The following DIMT1 variants were observed in gnomAD, a reference collection of about 807,000 sequenced individuals.
The protein encoded by DIMT1 is DIM1 rRNA methyltransferase and ribosome maturation factor, also known as dimethyladenosine transferase.
A neutral mutation model predicts 43.2 loss-of-function variants in DIMT1; 36 were observed. That is an observed-to-expected ratio of 0.83 (90% CI 0.64 to 1.10). The LOEUF (loss-of-function observed/expected upper bound fraction) is 1.10. DIMT1 is among the 50% of genes least tolerant of loss of function. The pLI is 0.00. For missense variants in DIMT1, 341 were observed against 385.3 expected (o/e 0.88, Z 0.96); for synonymous variants, 126 against 130.3 (o/e 0.97, Z 0.22).
At chr5:62,392,714 C>T in intron 9 of DIMT1, 1 of 436,758 alleles carries the variant, frequency 2.3e-6, no homozygotes, top group Non-Finnish European at 4.0e-6. Flanking sequence ...CCTGTTTTGC[C>T]AAAAAATGTG....
chr5:62,398,846 A>G lies in DIMT1; in HGVS notation c.276T>C (p.Ala92=). Residue 92 remains alanine (A), a synonymous_variant, in exon 4 of 12, where the codon GCT becomes GCC. Coordinates refer to ENST00000199320, the MANE Select transcript of DIMT1 (RefSeq NM_014473.4). Reference sequence around the variant, plus strand: ...TGCCCTGAACTCTTTTGTGAAGTTCAGCTACTAGCCTTGGGTCAAGTTCAC... The same window carrying G: ...TGCCCTGAACTCTTTTGTGAAGTTCGGCTACTAGCCTTGGGTCAAGTTCAC... The part of the protein sequence containing the change: ...VACELDPRLV[A]ELHKRVQGTP... 1 of 1,613,920 alleles carries G rather than the reference A, an allele frequency of 6.2e-7. No individual in the cohort carries two copies. Among genetic ancestry groups the G allele is most frequent in the Non-Finnish European group, 8.5e-7 (1 of 1,179,894 alleles).
In DIMT1 at chr5:62,388,814, A is replaced by G. The variant is rs1742157343; in HGVS notation, c.*196T>C. 2 of 602,498 alleles carry G rather than the reference A, an allele frequency of 3.3e-6. No homozygotes were observed. The highest frequency in any genetic ancestry group is 4.1e-5 in the South Asian group (2 of 48,556). 37.3% of individuals were successfully genotyped at this position (602,498 alleles called of 1,614,324 possible). On this transcript the variant is annotated 3_prime_UTR_variant, in exon 12 of 12. Transcript: ENST00000199320. The stretch of plus-strand genomic sequence containing the variant: ...TATGAATAGATTGGACCAGCATTAT[A>G]TATTAAAAACTTTGATACTTAGAAC...
chr5:62,391,252 A>C (rs1049901500), intron 10 of DIMT1: 2 of 328,208 alleles, frequency 6.1e-6, no homozygotes, highest in Non-Finnish European at 1.1e-5. Flanking sequence ...TTAGTTTCAG[A>C]CTTCACAAAT....
At chr5:62,399,603 C>A (rs1264570330) in intron 3 of DIMT1, among the ~76,000 whole-genome samples, 3 of 150,112 alleles carry the variant, frequency 2.0e-5, no homozygotes, top group Admixed American at 1.3e-4. Context: ...AAGACTGTGC[C>A]ACTGCATTCC....
chr5:62,392,254 T>C lies in DIMT1; in HGVS notation c.729-20A>G. ...CTTGATCTATAGCATAAAGAAGTGA[T>C]GCCACTGTTATTATTCCAAAGTCAG... is the stretch of plus-strand genomic sequence containing the variant. On this transcript the variant is annotated intron_variant, in intron 9 of 11. Transcript: ENST00000199320. 1.2e-6 allele frequency: 2 copies of C among 1,604,650 alleles called. No homozygotes were observed. The highest frequency in any genetic ancestry group is 1.7e-6 in the Non-Finnish European group (2 of 1,175,708).
Position 62,398,729 on chromosome 5 carries a change from T to C in DIMT1, c.313A>G (p.Ser105Gly), listed in dbSNP as rs1395528167. ...HKRVQGTPVA[S>G]KLQVLVGDVL... ...TCACCCACCAGTACTTGAAGTTTGC[T>C]GGCCACAGGCCTGATGAGAAAAGAA... The change falls in exon 5 of 12, where the codon AGC becomes GGC. Residue 105 changes from serine to glycine, a missense_variant. Coordinates refer to ENST00000199320, the MANE Select transcript of DIMT1 (RefSeq NM_014473.4). 6.2e-7 allele frequency: 1 copy of C among 1,614,206 alleles called. No individual in the cohort carries two copies. The highest frequency in any genetic ancestry group is 8.5e-7 in the Non-Finnish European group (1 of 1,180,026).
rs1316498485 is a variant in DIMT1, at chr5:62,402,083, G to A, written c.193C>T (p.Pro65Ser). The A allele has an allele frequency of 9.9e-6, 16 of 1,613,674 alleles. No individual in the cohort carries two copies. Among genetic ancestry groups the A allele is most frequent in the Non-Finnish European group, 1.4e-5 (16 of 1,179,938 alleles). The change falls in exon 3 of 12, where the codon CCT becomes TCT. Residue 65 changes from proline to serine, a missense_variant. Physicochemically the swap from Pro to Ser is moderately conservative, Grantham distance 74 (BLOSUM62 -1). Transcript: ENST00000199320. ...RPTDVVLEVG[P>S]GTGNMTVKLL... Reference sequence around the variant, plus strand: ...TTTACAGTCATGTTGCCAGTTCCAGGTCCAACTTCCAGCACTACATCAGTT... The same window carrying A: ...TTTACAGTCATGTTGCCAGTTCCAGATCCAACTTCCAGCACTACATCAGTT...
chr5:62,403,665 G>A, intron 1 of DIMT1, 29 bp downstream of exon 1: 5 of 1,593,382 alleles, frequency 3.1e-6, no homozygotes, highest in Non-Finnish European at 4.3e-6. Context: ...TGACCCGACC[G>A]ACCCCAGCTT....
intron 8 of DIMT1, among the ~76,000 whole-genome samples, chr5:62,393,584 AC>A (rs775483742): frequency 6.6e-5 from 10 of 152,110 alleles, no homozygotes; most frequent in Admixed American, 2.0e-4. Context: ...ACACACAATC[AC>A]GTTTTTCTCT....
At chr5:62,394,666 T>C in intron 6 of DIMT1, 59 bp from the exon 7 acceptor site, 1 of 1,603,558 alleles carries the variant, frequency 6.2e-7, no homozygotes, top group Non-Finnish European at 8.5e-7. Flanking sequence ...AAATGAATTT[T>C]AACTGCAATG....
chr5:62,392,690 T>G, intron 9 of DIMT1: 1 of 420,546 alleles, frequency 2.4e-6, no homozygotes, highest in Non-Finnish European at 4.2e-6. Flanking sequence ...ATGGTCAGAG[T>G]TTGGGAGTGT....
At position 62,398,151 on chromosome 5, in the gene DIMT1, G is replaced by A. The variant is rs182553205; in HGVS notation, c.446+360C>T. Among the ~76,000 whole-genome samples, 5 of 151,838 alleles carry A rather than the reference G, an allele frequency of 3.3e-5. No homozygotes were observed. In the East Asian group the frequency reaches 9.7e-4, roughly 29 times the overall value. ...GGTGCAAAAAAATTTTGAAATCCATGCAAGTTTTTTTCATAATACACATTT... is the reference window on the plus strand; with the variant it reads ...GGTGCAAAAAAATTTTGAAATCCATACAAGTTTTTTTCATAATACACATTT... On this transcript the variant is annotated intron_variant, in intron 6 of 11. Coordinates refer to ENST00000199320, the MANE Select transcript of DIMT1 (RefSeq NM_014473.4).
chr5:62,394,750 T>C, intron 6 of DIMT1, 143 bp from the exon 7 acceptor site: 1 of 1,184,962 alleles, frequency 8.4e-7, no homozygotes, highest in South Asian at 1.6e-5. Flanking sequence ...AGCCTTTTTT[T>C]TATTGCCACA....
In DIMT1 at chr5:62,388,291, A is replaced by G. The variant is rs1057233288; in HGVS notation, c.*719T>C. 6.6e-6 allele frequency: 1 copy of G among 152,218 alleles called. No individual in the cohort carries two copies. Among genetic ancestry groups the G allele is most frequent in the Non-Finnish European group, 1.5e-5 (1 of 68,042 alleles). 9.4% of individuals were successfully genotyped at this position (152,218 alleles called of 1,614,324 possible). ...CTAAGCCTATAGTTATCTCCCTAAG[A>G]ACCATAAAAAAAGATAATTTTATTG... On this transcript the variant is annotated 3_prime_UTR_variant, in exon 12 of 12. Coordinates refer to ENST00000199320, the MANE Select transcript of DIMT1 (RefSeq NM_014473.4).
Position 62,388,901 on chromosome 5 carries a change from TAGTC to T in DIMT1, c.*105_*108del, listed in dbSNP as rs1305332855. 2.9e-6 allele frequency: 3 copies of T among 1,043,834 alleles called. No homozygotes were observed. The highest frequency in any genetic ancestry group is 1.6e-5 in the African/African-American group (1 of 61,514). 64.7% of individuals were successfully genotyped at this position (1,043,834 alleles called of 1,614,324 possible). A position where few individuals can be genotyped will look rare whatever the true frequency, so the allele number is the denominator to read the frequency against. ...AACAGTAGTAGTATTGAACCAAAAA[TAGTC>T]AAGTAAATAATGTCTCAGTAAAGCA... On this transcript the variant is annotated 3_prime_UTR_variant, in exon 12 of 12. Transcript: ENST00000199320.
At chr5:62,400,246 T>A (rs1029426979) in intron 3 of DIMT1, among the ~76,000 whole-genome samples, 2 of 152,094 alleles carry the variant, frequency 1.3e-5, no homozygotes, top group Non-Finnish European at 1.5e-5. Flanking sequence ...TTATTTTTAT[T>A]AAAAAATAAT....
chr5:62,400,737 T>C (rs1051795855), intron 3 of DIMT1, among the ~76,000 whole-genome samples: 2 of 151,936 alleles, frequency 1.3e-5, no homozygotes, highest in African/African-American at 4.8e-5. Context: ...CTTACTCTGT[T>C]TGGCTCCCAG....
At chr5:62,401,147 G>C (rs973528327) in intron 3 of DIMT1, among the ~76,000 whole-genome samples, 1 of 152,120 alleles carries the variant, frequency 6.6e-6, no homozygotes, top group Non-Finnish European at 1.5e-5. Flanking sequence ...CCAGTGAAAG[G>C]CACCAGCATT....
intron 6 of DIMT1, among the ~76,000 whole-genome samples, chr5:62,396,779 CTG>C (rs1164040843): frequency 2.0e-5 from 3 of 152,088 alleles, no homozygotes; most frequent in African/African-American, 7.2e-5. Flanking sequence ...CAAAAAAAAA[CTG>C]TTGCTATGAC....
Sources: allele counts gnomAD v4.1 joint callset (sites outside exome capture counted in the v4.1 genomes callset), GRCh38; gene constraint gnomAD v4.1.1; transcripts MANE v1.5; gene names NCBI Gene and HGNC (gene_info 2026-07-23, HGNC 2026-07-21).